The following ODR4 variants were observed in gnomAD, a reference collection of about 807,000 sequenced individuals.
ODR4 encodes odr-4 GPCR localization factor homolog.
In ODR4, 47 loss-of-function variants were observed where a neutral mutation model predicts 60.2. The ratio of observed to expected loss-of-function variants is 0.78; its 90% CI spans 0.62 to 1.00. ODR4 has a LOEUF of 1.00. ODR4 is among the 50% of genes least tolerant of loss of function. The probability of loss-of-function intolerance (pLI) is 0.00; values close to 1 mark genes in which losing one functional copy is unlikely to be tolerated. For missense variants in ODR4, 488 were observed against 530.8 expected, an observed-to-expected ratio of 0.92 and a Z score of 0.79; for synonymous variants, 178 against 175.5, an observed-to-expected ratio of 1.01 and a Z score of -0.11.
intron 10 of ODR4, 77 bp downstream of exon 10, chr1:186,398,518 T>G (rs1660786968): frequency 7.4e-7 from 1 of 1,358,292 alleles, no homozygotes; most frequent in African/African-American, 1.5e-5. Flanking sequence ...TTTTTTAATC[T>G]TATATTTTGT....
intron 6 of ODR4, 57 bp from the exon 7 acceptor site, chr1:186,390,654 T>A: frequency 6.5e-7 from 1 of 1,536,600 alleles, no homozygotes; most frequent in Non-Finnish European, 9.0e-7. Context: ...GTTTTGTTGA[T>A]CCATGTATTT....
At chr1:186,391,652 A>T in intron 7 of ODR4, 44 bp from the exon 8 acceptor site, 1 of 1,210,902 alleles carries the variant, frequency 8.3e-7, no homozygotes, top group Non-Finnish European at 1.2e-6. Flanking sequence ...TTTAATTGAG[A>T]TGGCATTGTA....
At chr1:186,378,018 C>T (rs562870435) in intron 1 of ODR4, among the ~76,000 whole-genome samples, 1 of 150,856 alleles carries the variant, frequency 6.6e-6, no homozygotes, top group African/African-American at 2.4e-5. Context: ...GCACTCCAGC[C>T]TGGGCAACAG....
chr1:186,381,308 G>A (rs1660010299), intron 2 of ODR4, among the ~76,000 whole-genome samples: 2 of 151,936 alleles, frequency 1.3e-5, no homozygotes, highest in South Asian at 4.1e-4. Flanking sequence ...ACAAATGAGT[G>A]TCTCATAATT....
At chr1:186,402,366 C>G (rs577292634) in intron 11 of ODR4, among the ~76,000 whole-genome samples, 92 of 134,502 alleles carry the variant, frequency 6.8e-4, no homozygotes, top group Admixed American at 2.8e-3. Flanking sequence ...TTTTCCTTTT[C>G]TCTCTCCTTC....
At chr1:186,411,347 A>G (rs919527872) in intron 12 of ODR4, among the ~76,000 whole-genome samples, 1 of 152,154 alleles carries the variant, frequency 6.6e-6, no homozygotes, top group Non-Finnish European at 1.5e-5. Flanking sequence ...GAAAGCACAC[A>G]CCAGTTTTAT....
intron 8 of ODR4, among the ~76,000 whole-genome samples, chr1:186,393,459 G>GT (rs894434945): frequency 1.3e-5 from 2 of 152,202 alleles, no homozygotes; most frequent in Non-Finnish European, 2.9e-5. Flanking sequence ...TATAAAAGAG[G>GT]TTTATAGAGG....
At chr1:186,432,462 T>C in the ODR4 span, among the ~76,000 whole-genome samples, 1 of 152,172 alleles carries the variant, frequency 6.6e-6, no homozygotes, top group Non-Finnish European at 1.5e-5. Flanking sequence ...ATGTTTCTTT[T>C]CAGATTGATA....
intron 7 of ODR4, among the ~76,000 whole-genome samples, chr1:186,391,407 G>A (rs1308166285): frequency 3.4e-5 from 5 of 146,668 alleles, no homozygotes; most frequent in African/African-American, 1.3e-4. Flanking sequence ...TTTTAAGGTA[G>A]TGGGCATTAA....
intron 4 of ODR4, 92 bp from the exon 5 acceptor site, chr1:186,388,350 A>T (rs1571668002): frequency 3.1e-6 from 2 of 655,310 alleles, no homozygotes; most frequent in East Asian, 3.2e-5. Context: ...TTAAAGCTAA[A>T]TGAGAGTTGG....
intron 3 of ODR4, among the ~76,000 whole-genome samples, chr1:186,384,622 A>G (rs1052939673): frequency 2.7e-5 from 4 of 147,062 alleles, no homozygotes; most frequent in African/African-American, 1.1e-4. Context: ...TAATGAATTT[A>G]TATAGTAAAT....
chr1:186,381,459 C>T (rs1423881053), intron 2 of ODR4, among the ~76,000 whole-genome samples: 1 of 152,112 alleles, frequency 6.6e-6, no homozygotes, highest in Non-Finnish European at 1.5e-5. Context: ...TCCCGAGTAG[C>T]TGGGACTACA....
the ODR4 span, among the ~76,000 whole-genome samples, chr1:186,429,301 GT>G: frequency 6.6e-6 from 1 of 151,876 alleles, no homozygotes; most frequent in Non-Finnish European, 1.5e-5. Flanking sequence ...AAATGAAGAA[GT>G]TTGAAATATT....
At chr1:186,425,554 T>G (rs1661867734), downstream of ODR4, among the ~76,000 whole-genome samples, 5 of 152,102 alleles carry the variant, frequency 3.3e-5, no homozygotes, top group Admixed American at 3.3e-4. Context: ...TCCATACTCA[T>G]CTCTTCAAGA....
At chr1:186,382,076 A>C (rs917869632) in intron 2 of ODR4, among the ~76,000 whole-genome samples, 1 of 151,916 alleles carries the variant, frequency 6.6e-6, no homozygotes, top group Admixed American at 6.6e-5. Flanking sequence ...TTATTTTTAG[A>C]TCTCCCAACT....
intron 12 of ODR4, among the ~76,000 whole-genome samples, chr1:186,407,852 A>G (rs1661227562): frequency 1.3e-5 from 2 of 151,954 alleles, no homozygotes; most frequent in Non-Finnish European, 2.9e-5. Context: ...GGGGTTCAAA[A>G]CCTCTGGTGT....
intron 9 of ODR4, among the ~76,000 whole-genome samples, chr1:186,396,579 A>C (rs1021613316): frequency 6.6e-6 from 1 of 152,158 alleles, no homozygotes; most frequent in Non-Finnish European, 1.5e-5. Context: ...ACTGTACTCT[A>C]GGCTGGATGA....
At chr1:186,431,615 T>C in the ODR4 span, among the ~76,000 whole-genome samples, 85 of 152,250 alleles carry the variant, frequency 5.6e-4, 1 homozygote, top group South Asian at 0.017. Context: ...CTAAAAGATA[T>C]GTAGTATTTT....
At chr1:186,431,405 C>T in the ODR4 span, among the ~76,000 whole-genome samples, 1 of 151,890 alleles carries the variant, frequency 6.6e-6, no homozygotes, top group Non-Finnish European at 1.5e-5. Flanking sequence ...TTTGTCTTCT[C>T]GGATTCAAGA....
Sources: gnomAD v4.1 joint callset for allele counts (sites outside exome capture counted in the v4.1 genomes callset) on GRCh38, gnomAD v4.1.1 for gene constraint, MANE v1.5 for transcripts, NCBI Gene and HGNC (gene_info 2026-07-23, HGNC 2026-07-21) for gene names.